Variants in R3HDM1 observed in about 807,000 individuals in gnomAD.
R3HDM1 encodes the protein R3H domain-containing protein 1.
Under a neutral mutation model 141.1 loss-of-function variants are expected in R3HDM1, and 46 were observed. The observed-to-expected ratio is 0.33, with a 90% CI of 0.26 to 0.42. R3HDM1 has a LOEUF of 0.42. Among genes scored for constraint, R3HDM1 ranks in the 10% least tolerant of loss-of-function variants. The pLI, the probability that R3HDM1 is intolerant of heterozygous loss-of-function variation, is 1.00. For missense variants in R3HDM1, 1,184 were observed against 1,368.3 expected (o/e 0.87, Z 2.12); for synonymous variants, 435 against 472.9 (o/e 0.92, Z 1.04).
At chr2:135,603,656 G>A (rs1443864982) in intron 2 of R3HDM1, among the ~76,000 whole-genome samples, 1 of 152,164 alleles carries the variant, frequency 6.6e-6, no homozygotes, top group Non-Finnish European at 1.5e-5. Flanking sequence ...CACCCAAGGT[G>A]GAGTCTAGTG....
chr2:135,577,414 CAAAAAAAAAAAAAAAA>C (rs35038268), intron 1 of R3HDM1, among the ~76,000 whole-genome samples: 1 of 15,798 alleles, frequency 6.3e-5, no homozygotes, highest in African/African-American at 1.6e-4. Flanking sequence ...ATTAAATGAC[CAAAAAAAAAAAAAAAA>C]AAAAAAAAAA....
intron 18 of R3HDM1, among the ~76,000 whole-genome samples, chr2:135,659,371 C>T (rs6755383): frequency 0.49 from 74,537 of 151,750 alleles, 22,999 homozygotes; most frequent in East Asian, 0.88. Context: ...GTGCTAGGAT[C>T]ACAGGTGTGA....
At chr2:135,705,113 A>C (rs927607259) in intron 21 of R3HDM1, among the ~76,000 whole-genome samples, 1 of 152,244 alleles carries the variant, frequency 6.6e-6, no homozygotes, top group Non-Finnish European at 1.5e-5. Flanking sequence ...TTCACATTTC[A>C]TAAATGGCAA....
chr2:135,650,993 T>C lies in R3HDM1; in HGVS notation c.1726-737T>C, dbSNP rs558046538. 4.1e-6 allele frequency: 4 copies of C among 985,420 alleles called. No individual in the cohort carries two copies. The South Asian group carries it at 1.4e-4, about 35-fold the overall frequency. 61.0% of individuals were successfully genotyped at this position (985,420 alleles called of 1,614,324 possible). ...TTTCAGTGATATTTTTCTGGAACAA[T>C]AAGAGCTGGTCCTTATCCTGTTGAA... On this transcript the variant is annotated intron_variant, in intron 17 of 26. Coordinates refer to ENST00000683871, the MANE Select transcript of R3HDM1 (RefSeq NM_001378107.1).
At chr2:135,569,224 C>T (rs969072600) in intron 1 of R3HDM1, among the ~76,000 whole-genome samples, 5 of 152,134 alleles carry the variant, frequency 3.3e-5, no homozygotes, top group Non-Finnish European at 7.4e-5. Flanking sequence ...GCAGCTCATG[C>T]CTGTAATCCC....
Position 135,651,715 on chromosome 2 carries a change from T to G in R3HDM1, c.1726-15T>G. Reference sequence around the variant, plus strand: ...TGTAGAAGGCTTACTAATTTTTGACTTCTTCCTTTTTTAGCAGGATAACCT... The same window carrying G: ...TGTAGAAGGCTTACTAATTTTTGACGTCTTCCTTTTTTAGCAGGATAACCT... On this transcript the variant is annotated splice_polypyrimidine_tract_variant and intron_variant, in intron 17 of 26. Transcript: ENST00000683871. 1 of 1,585,902 alleles carries G rather than the reference T, an allele frequency of 6.3e-7. No homozygotes were observed. The highest frequency in any genetic ancestry group is 8.6e-7 in the Non-Finnish European group (1 of 1,162,612).
chr2:135,557,032 GTACTGCT>G (rs1339782085), intron 1 of R3HDM1, among the ~76,000 whole-genome samples: 1 of 151,970 alleles, frequency 6.6e-6, no homozygotes, highest in East Asian at 1.9e-4. Flanking sequence ...TGTAAGAAAG[GTACTGCT>G]CTTTAAAGAT....
chr2:135,636,817 T>C (rs1574568480), intron 11 of R3HDM1, among the ~76,000 whole-genome samples: 1 of 150,334 alleles, frequency 6.7e-6, no homozygotes, highest in Non-Finnish European at 1.5e-5. Context: ...GAAGATTAAA[T>C]AACACTAAAA....
intron 3 of R3HDM1, among the ~76,000 whole-genome samples, chr2:135,608,944 G>A (rs1162940638): frequency 6.6e-6 from 1 of 152,098 alleles, no homozygotes; most frequent in Admixed American, 6.5e-5. Flanking sequence ...CCTTCCAAAA[G>A]ATGCATTCAT....
intron 1 of R3HDM1, among the ~76,000 whole-genome samples, chr2:135,594,977 A>ACCCCCC (rs58907969): frequency 1.0e-4 from 14 of 139,298 alleles, no homozygotes; most frequent in South Asian, 2.3e-4. Flanking sequence ...GGGATTCTAC[A>ACCCCCC]CCCCCCCCCC....
intron 3 of R3HDM1, among the ~76,000 whole-genome samples, chr2:135,610,303 A>G (rs929166062): frequency 1.3e-5 from 2 of 152,196 alleles, no homozygotes; most frequent in Admixed American, 1.3e-4. Context: ...CATTATTATT[A>G]ACAATAGGAT....
At chr2:135,553,080 G>A (rs958528860) in intron 1 of R3HDM1, among the ~76,000 whole-genome samples, 2 of 152,078 alleles carry the variant, frequency 1.3e-5, no homozygotes, top group African/African-American at 4.8e-5. Flanking sequence ...GTGTTGCCCA[G>A]GGTGGTCCTG....
intron 7 of R3HDM1, among the ~76,000 whole-genome samples, chr2:135,629,810 A>G (rs2062453011): frequency 6.6e-6 from 1 of 152,182 alleles, no homozygotes; most frequent in African/African-American, 2.4e-5. Flanking sequence ...AACCCATGAC[A>G]GATTTAACAA....
intron 14 of R3HDM1, 52 bp from the exon 15 acceptor site, chr2:135,641,484 G>GT (rs1209420420): frequency 2.0e-6 from 3 of 1,526,666 alleles, no homozygotes; most frequent in Non-Finnish European, 2.7e-6. Flanking sequence ...AAAAACCTGT[G>GT]TTTTTTATAT....
intron 16 of R3HDM1, 106 bp downstream of exon 16, chr2:135,645,633 T>C: frequency 7.4e-7 from 1 of 1,344,876 alleles, no homozygotes; most frequent in South Asian, 1.4e-5. Context: ...CTTAGAACTT[T>C]AATATTCTGC....
intron 7 of R3HDM1, among the ~76,000 whole-genome samples, chr2:135,628,503 G>A (rs1445850847): frequency 6.6e-6 from 1 of 152,210 alleles, no homozygotes; most frequent in Non-Finnish European, 1.5e-5. Flanking sequence ...TTCAGTGGCA[G>A]TGCATTTCAC....
chr2:135,563,430 T>C (rs1459368890), intron 1 of R3HDM1, among the ~76,000 whole-genome samples: 1 of 152,268 alleles, frequency 6.6e-6, no homozygotes, highest in Non-Finnish European at 1.5e-5. Flanking sequence ...CCACTGTCAA[T>C]TCTGCATCAG....
At chr2:135,566,831 G>T in intron 1 of R3HDM1, 5 of 898,180 alleles carry the variant, frequency 5.6e-6, no homozygotes, top group Non-Finnish European at 6.7e-6. Context: ...AAATTAGCCA[G>T]CATGATGGCG....
rs186876673 is a variant in R3HDM1 at position 135,723,800 on chromosome 2, A to G, written c.3050-137A>G. On this transcript the variant is annotated intron_variant, in intron 26 of 26. Coordinates refer to ENST00000683871, the MANE Select transcript of R3HDM1 (RefSeq NM_001378107.1). ...TCCCAAAAAAAAAAAAAAAAAAAAA[A>G]AAAAAGATGGCCCTAACAGTTTTAA... 6.8e-4 allele frequency: 386 copies of G among 564,878 alleles called. 5 individuals are homozygous for G. Among genetic ancestry groups the G allele is most frequent in the Non-Finnish European group, 1.0e-3 (357 of 340,236 alleles). The allele number at this position is 564,878 out of a possible 1,614,324, so 35.0% of individuals were successfully genotyped here. A position where few individuals can be genotyped will look rare whatever the true frequency, so the allele number is the denominator to read the frequency against.
Sources: allele counts gnomAD v4.1 joint callset (sites outside exome capture counted in the v4.1 genomes callset), GRCh38; gene constraint gnomAD v4.1.1; transcripts MANE v1.5; gene names NCBI Gene and HGNC (gene_info 2026-07-23, HGNC 2026-07-21).